SLC35D4: variants seen among roughly 807,000 people sequenced by gnomAD.
SLC35D4 encodes solute carrier family 35 member D4, also known as UDP-N-acetylglucosamine transporter SLC35D4.
the SLC35D4 span, among the ~76,000 whole-genome samples, chr18:23,389,139 C>T: frequency 6.6e-6 from 1 of 151,904 alleles, no homozygotes. Flanking sequence ...ACAGGCCCTG[C>T]CATGAAGCCC....
At chr18:23,419,927 T>G in the SLC35D4 span, among the ~76,000 whole-genome samples, 1 of 152,174 alleles carries the variant, frequency 6.6e-6, no homozygotes, top group Non-Finnish European at 1.5e-5. Context: ...AGTTTATATA[T>G]TTATATACGT....
At chr18:23,298,045 C>T in the SLC35D4 span, 5 of 1,613,910 alleles carry the variant, frequency 3.1e-6, no homozygotes, top group Non-Finnish European at 2.5e-6. Context: ...AGCAAGGCCT[C>T]TCCAAGCGCA....
At chr18:23,256,191 G>A in the SLC35D4 span, among the ~76,000 whole-genome samples, 13,953 of 152,252 alleles carry the variant, frequency 0.092, 1,179 homozygotes, top group African/African-American at 0.22. Flanking sequence ...AAGCTGGGTT[G>A]ACGCCAAGGC....
the SLC35D4 span, among the ~76,000 whole-genome samples, chr18:23,409,153 A>T: frequency 1.3e-5 from 2 of 152,148 alleles, no homozygotes; most frequent in Non-Finnish European, 2.9e-5. Flanking sequence ...AAAAAAAAAG[A>T]AAAAAAGTAG....
At chr18:23,376,707 T>C in the SLC35D4 span, 3 of 447,818 alleles carry the variant, frequency 6.7e-6, no homozygotes, top group Non-Finnish European at 1.3e-5. Flanking sequence ...TCCCCATCCA[T>C]GGAGAATGAG....
chr18:23,240,112 T>C, the SLC35D4 span, among the ~76,000 whole-genome samples: 1 of 152,136 alleles, frequency 6.6e-6, no homozygotes, highest in Non-Finnish European at 1.5e-5. Context: ...AGCAAGACCC[T>C]GTCTCAACAA....
chr18:23,321,873 G>A, the SLC35D4 span, among the ~76,000 whole-genome samples: 1 of 152,172 alleles, frequency 6.6e-6, no homozygotes, highest in Non-Finnish European at 1.5e-5. Context: ...CCAGCCTGGG[G>A]CAACAGAACT....
chr18:23,285,554 T>C, the SLC35D4 span, among the ~76,000 whole-genome samples: 1 of 152,308 alleles, frequency 6.6e-6, no homozygotes, highest in South Asian at 2.1e-4. Context: ...CCAGGCTTTC[T>C]TTTACACATC....
chr18:23,334,263 A>G, the SLC35D4 span, among the ~76,000 whole-genome samples: 1 of 152,172 alleles, frequency 6.6e-6, no homozygotes, highest in African/African-American at 2.4e-5. Context: ...CAGGAAAGAA[A>G]TAAGACAGAA....
chr18:23,310,876 C>T, the SLC35D4 span, among the ~76,000 whole-genome samples: 3 of 152,106 alleles, frequency 2.0e-5, no homozygotes, highest in Non-Finnish European at 2.9e-5. Context: ...CTTTCTGCCT[C>T]GCTTTATTGA....
At chr18:23,338,997 C>G in the SLC35D4 span, among the ~76,000 whole-genome samples, 1 of 152,194 alleles carries the variant, frequency 6.6e-6, no homozygotes, top group East Asian at 1.9e-4. Context: ...TCCCAATCCT[C>G]CTGCCTCAGC....
the SLC35D4 span, among the ~76,000 whole-genome samples, chr18:23,307,057 A>C: frequency 6.6e-6 from 1 of 152,192 alleles, no homozygotes; most frequent in Non-Finnish European, 1.5e-5. Flanking sequence ...CCCCAGATCT[A>C]ACACCTCCTA....
the SLC35D4 span, among the ~76,000 whole-genome samples, chr18:23,286,294 G>A: frequency 0.46 from 70,033 of 151,874 alleles, 17,535 homozygotes; most frequent in South Asian, 0.58. Context: ...CTCCAGAACC[G>A]CCTCCCCCAG....
the SLC35D4 span, among the ~76,000 whole-genome samples, chr18:23,302,086 A>C: frequency 6.6e-6 from 1 of 152,228 alleles, no homozygotes; most frequent in Non-Finnish European, 1.5e-5. Flanking sequence ...AGAGATGCAA[A>C]GGTGAATGAA....
At chr18:23,245,191 A>C in the SLC35D4 span, among the ~76,000 whole-genome samples, 5 of 152,246 alleles carry the variant, frequency 3.3e-5, no homozygotes, top group African/African-American at 9.6e-5. Context: ...TCTCATGACA[A>C]GTCAAGACTT....
At chr18:23,394,564 A>G in the SLC35D4 span, among the ~76,000 whole-genome samples, 1 of 152,148 alleles carries the variant, frequency 6.6e-6, no homozygotes, top group Non-Finnish European at 1.5e-5. Context: ...ATTTTGATGA[A>G]GTCCAATTAC....
chr18:23,424,243 G>A, the SLC35D4 span, among the ~76,000 whole-genome samples: 1 of 152,188 alleles, frequency 6.6e-6, no homozygotes, highest in Admixed American at 6.5e-5. Flanking sequence ...TCACTCCCAG[G>A]TTCTGAGTTG....
the SLC35D4 span, among the ~76,000 whole-genome samples, chr18:23,309,270 G>T: frequency 6.7e-6 from 1 of 150,286 alleles, no homozygotes; most frequent in African/African-American, 2.5e-5. Flanking sequence ...GTGTATAGTG[G>T]TTTACTAAAC....
the SLC35D4 span, chr18:23,421,261 A>C: frequency 1.1e-6 from 1 of 943,928 alleles, no homozygotes; most frequent in African/African-American, 1.7e-5. Flanking sequence ...TAAATAAGTA[A>C]ATAAATAAAC....
Sources: gnomAD v4.1 joint callset for allele counts (sites outside exome capture counted in the v4.1 genomes callset) on GRCh38, gnomAD v4.1.1 for gene constraint, MANE v1.5 for transcripts, NCBI Gene and HGNC (gene_info 2026-07-23, HGNC 2026-07-21) for gene names.